Variants in CWH43 observed in about 807,000 individuals in gnomAD.
CWH43 encodes the protein PGAP2-interacting protein.
CWH43 carries 91 observed loss-of-function variants against 85.7 expected under a neutral mutation model. The ratio of observed to expected loss-of-function variants is 1.06; its 90% CI spans 0.90 to 1.26. The LOEUF is 1.26. Ranked by LOEUF, CWH43 falls within the 50% of genes most tolerant of loss-of-function variation. The pLI, the probability that CWH43 is intolerant of heterozygous loss-of-function variation, is 0.00. For synonymous variants in CWH43, 323 were observed against 293.6 expected (o/e 1.10, Z -1.02); for missense variants, 869 against 839.2 (o/e 1.04, Z -0.44).
chr4:49,016,283 G>A (rs1442941438), intron 8 of CWH43, among the ~76,000 whole-genome samples: 2 of 151,934 alleles, frequency 1.3e-5, no homozygotes, highest in African/African-American at 2.4e-5. Flanking sequence ...TTTCCCTAGT[G>A]CCATGTGTTT....
At chr4:49,035,437 A>T (rs552674894) in intron 12 of CWH43, among the ~76,000 whole-genome samples, 1 of 152,368 alleles carries the variant, frequency 6.6e-6, no homozygotes, top group East Asian at 1.9e-4. Flanking sequence ...ACTAATCACC[A>T]TTTAAAGAAA....
intron 6 of CWH43, among the ~76,000 whole-genome samples, chr4:48,999,224 C>T (rs1357415858): frequency 1.3e-5 from 2 of 152,160 alleles, no homozygotes; most frequent in Non-Finnish European, 2.9e-5. Flanking sequence ...TGGCCTCCAG[C>T]TCCATCTGTG....
chr4:49,054,286 G>A (rs1784887530), intron 15 of CWH43, among the ~76,000 whole-genome samples: 1 of 151,994 alleles, frequency 6.6e-6, no homozygotes, highest in Non-Finnish European at 1.5e-5. Context: ...TTGTGTGTTT[G>A]GGGTACCTTT....
chr4:49,038,299 A>G (rs1161015980), intron 13 of CWH43, 119 bp downstream of exon 13: 6 of 748,506 alleles, frequency 8.0e-6, no homozygotes, highest in Non-Finnish European at 1.3e-5. Context: ...ACTGCTGCCT[A>G]GAAAATCACC....
At position 49,028,710 on chromosome 4, in the gene CWH43, T is replaced by C; in HGVS notation, c.1348T>C (p.Ser450Pro). 1 of 1,611,986 alleles carries C rather than the reference T, an allele frequency of 6.2e-7. No homozygotes were observed. The highest frequency in any genetic ancestry group is 8.5e-7 in the Non-Finnish European group (1 of 1,178,180). ...TGAAGGGTGGTCTAGTCTAGAAAGA[T>C]CAGCTCACCTGCTCAATGAAACAGG... The part of the protein sequence containing the change: ...DNEGWSSLER[S>P]AHLLNETGAD... The change falls in exon 10 of 16, where the codon TCA (serine) becomes CCA (proline). Residue 450 changes from serine to proline, a missense_variant. Coordinates refer to ENST00000226432, the MANE Select transcript of CWH43 (RefSeq NM_025087.3).
intron 5 of CWH43, among the ~76,000 whole-genome samples, chr4:48,997,043 T>C (rs1469483088): frequency 2.0e-5 from 3 of 152,208 alleles, no homozygotes; most frequent in Non-Finnish European, 4.4e-5. Flanking sequence ...CACATCAGCA[T>C]ATTAGAGACT....
intron 14 of CWH43, among the ~76,000 whole-genome samples, chr4:49,049,835 A>G (rs1406489570): frequency 6.6e-6 from 1 of 152,098 alleles, no homozygotes; most frequent in Non-Finnish European, 1.5e-5. Flanking sequence ...TCTCCTACTC[A>G]TCACTGCCTG....
intron 8 of CWH43, among the ~76,000 whole-genome samples, chr4:49,012,501 G>A (rs1783397340): frequency 6.6e-6 from 1 of 152,242 alleles, no homozygotes; most frequent in African/African-American, 2.4e-5. Context: ...TCTCCGTCCA[G>A]CTTTGTTCCA....
At chr4:49,061,777 G>T (rs1200299339) in intron 15 of CWH43, 35 bp from the exon 16 acceptor site, 2 of 1,294,714 alleles carry the variant, frequency 1.5e-6, no homozygotes, top group Non-Finnish European at 1.0e-6. Flanking sequence ...GTTTTTACAT[G>T]CCAATAACTT....
chr4:49,056,585 TTATCCATTTTATCTTTTCAAAA>T (rs1372939883), intron 15 of CWH43, among the ~76,000 whole-genome samples: 2 of 152,080 alleles, frequency 1.3e-5, no homozygotes, highest in Non-Finnish European at 2.9e-5. Context: ...AGCTAACACT[TTATCCATTTTATCTTTTCAAAA>T]AACCAACTCT....
intron 8 of CWH43, among the ~76,000 whole-genome samples, chr4:49,013,632 T>A (rs760866231): frequency 2.5e-4 from 7 of 27,968 alleles, no homozygotes; most frequent in Admixed American, 1.1e-3. Context: ...ATTTCTCTAC[T>A]TTTTTTTTTG....
In CWH43 at chr4:49,061,933, A is replaced by G. The variant is rs1288716287; in HGVS notation, c.*43A>G. ...GTTATTGGCTGGGAAAATCTAAGAA[A>G]AAAAGTATGTAAGATAAAAAGAAGA... On this transcript the variant is annotated 3_prime_UTR_variant, in exon 16 of 16. Coordinates refer to ENST00000226432, the MANE Select transcript of CWH43 (RefSeq NM_025087.3). 1.6e-6 allele frequency: 2 copies of G among 1,274,048 alleles called. No homozygotes were observed. The highest frequency in any genetic ancestry group is 1.5e-5 in the African/African-American group (1 of 65,950). The allele number at this position is 1,274,048 out of a possible 1,614,324, so 78.9% of individuals were successfully genotyped here.
chr4:49,048,113 T>G (rs1471192565), intron 14 of CWH43, among the ~76,000 whole-genome samples: 1 of 152,180 alleles, frequency 6.6e-6, no homozygotes, highest in Admixed American at 6.5e-5. Context: ...TCGGAAATTC[T>G]AGAAAACGAC....
At chr4:49,022,358 CT>C (rs1453422926) in intron 9 of CWH43, among the ~76,000 whole-genome samples, 1 of 152,086 alleles carries the variant, frequency 6.6e-6, no homozygotes, top group Non-Finnish European at 1.5e-5. Flanking sequence ...CATTTATTGA[CT>C]TACTGATGTT....
Position 48,998,688 on chromosome 4 carries a change from TATAATGCAG to T in CWH43, c.802+143_802+151del, listed in dbSNP as rs1176804117. 5.3e-4 allele frequency: 350 copies of T among 663,258 alleles called. 7 individuals are homozygous for T. The South Asian group carries it at 5.8e-3, about 11-fold the overall frequency. 41.1% of individuals were successfully genotyped at this position (663,258 alleles called of 1,614,324 possible). A position where few individuals can be genotyped will look rare whatever the true frequency, so the allele number is the denominator to read the frequency against. On this transcript the variant is annotated intron_variant, in intron 6 of 15. Coordinates refer to ENST00000226432, the MANE Select transcript of CWH43 (RefSeq NM_025087.3). The stretch of plus-strand genomic sequence containing the variant: ...CAAATGGGCTGTTGTAAACAGCAAC[TATAATGCAG>T]ATGTCACCAAGGTCACCGGTGACTA...
chr4:48,995,143 C>A (rs982736147), intron 5 of CWH43, among the ~76,000 whole-genome samples: 3 of 152,174 alleles, frequency 2.0e-5, no homozygotes, highest in Non-Finnish European at 4.4e-5. Context: ...GGGAGAGGAG[C>A]AGCATTCCCT....
Position 49,028,669 on chromosome 4 carries a change from G to C in CWH43, c.1307G>C (p.Arg436Thr). ...GTCTCTGCTGCCATCTGGCCTTTCAGGTTTGGATATGACAATGAAGGGTGG... is the reference window on the plus strand; with the variant it reads ...GTCTCTGCTGCCATCTGGCCTTTCACGTTTGGATATGACAATGAAGGGTGG... ...KEVSAAIWPF[R>T]FGYDNEGWSS... Residue 436 changes from arginine to threonine, a missense_variant, in exon 10 of 16, where the codon AGG becomes ACG. By Grantham distance (71) the Arg-to-Thr change is moderately conservative. Coordinates refer to ENST00000226432, the MANE Select transcript of CWH43 (RefSeq NM_025087.3). 1 of 1,613,906 alleles carries C rather than the reference G, an allele frequency of 6.2e-7. No individual in the cohort carries two copies. Among genetic ancestry groups the C allele is most frequent in the Non-Finnish European group, 8.5e-7 (1 of 1,179,872 alleles).
intron 8 of CWH43, chr4:49,016,840 C>G (rs1397741903): frequency 2.6e-6 from 2 of 780,540 alleles, no homozygotes; most frequent in Non-Finnish European, 4.8e-6. Flanking sequence ...ATCAGTTCAT[C>G]TGACTCCCCA....
chr4:49,019,881 T>A (rs1308538758), intron 9 of CWH43, among the ~76,000 whole-genome samples: 1 of 151,998 alleles, frequency 6.6e-6, no homozygotes, highest in African/African-American at 2.4e-5. Context: ...CACCTAGCCA[T>A]TGTCAATTGT....
Sources: gnomAD v4.1 joint callset for allele counts (sites outside exome capture counted in the v4.1 genomes callset) on GRCh38, gnomAD v4.1.1 for gene constraint, MANE v1.5 for transcripts, NCBI Gene and HGNC (gene_info 2026-07-23, HGNC 2026-07-21) for gene names.